Variants in ZFYVE27 observed in about 807,000 individuals in gnomAD.
ZFYVE27 encodes protrudin.
A neutral mutation model predicts 52.8 loss-of-function variants in ZFYVE27; 36 were observed. The ratio of observed to expected loss-of-function variants is 0.68; its 90% CI spans 0.52 to 0.90. ZFYVE27 has a LOEUF of 0.90. ZFYVE27 is among the 40% of genes least tolerant of loss of function. ZFYVE27 has a pLI of 0.00. For missense variants in ZFYVE27, 450 were observed against 527.2 expected (o/e 0.85, Z 1.43); for synonymous variants, 223 against 215.6 (o/e 1.03, Z -0.30).
intron 4 of ZFYVE27, among the ~76,000 whole-genome samples, chr10:97,747,349 G>C (rs1441258454): frequency 1.3e-5 from 2 of 152,162 alleles, no homozygotes; most frequent in Non-Finnish European, 2.9e-5. Flanking sequence ...TTTGAGGGGA[G>C]ATACTTTGAG....
chr10:97,754,345 C>CTG (rs1291098298), intron 10 of ZFYVE27, among the ~76,000 whole-genome samples: 1 of 146,118 alleles, frequency 6.8e-6, no homozygotes, highest in African/African-American at 2.5e-5. Context: ...CAAGGTCTCA[C>CTG]TGTGTCTCCC....
In ZFYVE27 at chr10:97,760,345, A is replaced by G. The variant is rs139340617; in HGVS notation, c.*1045A>G. 1.3e-5 allele frequency: 2 copies of G among 151,980 alleles called. No homozygotes were observed. Among genetic ancestry groups the G allele is most frequent in the Admixed American group, 6.5e-5 (1 of 15,276 alleles). The allele number at this position is 151,980 out of a possible 1,614,324, so 9.4% of individuals were successfully genotyped here. A position where few individuals can be genotyped will look rare whatever the true frequency, so the allele number is the denominator to read the frequency against. On this transcript the variant is annotated 3_prime_UTR_variant, in exon 13 of 13. Coordinates refer to ENST00000684270, the MANE Select transcript of ZFYVE27 (RefSeq NM_001385875.1). ...CCCTGGGGGTCTCCATTTCTTTCCA[A>G]CAGTTTCATGTTCACTACTGGACTC... is the stretch of plus-strand genomic sequence containing the variant.
chr10:97,755,344 C>T (rs1169186603), intron 10 of ZFYVE27, among the ~76,000 whole-genome samples: 4 of 152,120 alleles, frequency 2.6e-5, no homozygotes, highest in African/African-American at 7.2e-5. Flanking sequence ...TCCATTTCAG[C>T]GACTATAACG....
chr10:97,746,000 C>G (rs1453890109), intron 4 of ZFYVE27, among the ~76,000 whole-genome samples: 1 of 143,892 alleles, frequency 6.9e-6, no homozygotes, highest in Non-Finnish European at 1.5e-5. Context: ...GACTTTCTTA[C>G]TTTGAAATAG....
chr10:97,742,542 T>C (rs1208348439), intron 2 of ZFYVE27, among the ~76,000 whole-genome samples: 1 of 152,222 alleles, frequency 6.6e-6, no homozygotes, highest in Non-Finnish European at 1.5e-5. Flanking sequence ...AAATCTTTAC[T>C]ATTGTTTCTC....
rs964739637 is a variant in ZFYVE27, at chr10:97,738,819, G to A, written c.197+145G>A. ...TTCTGGGAGGTCTGTTCGGCCTCTGGGTTTATCTAGGCCTACCCTGTGTCT... is the reference window on the plus strand; with the variant it reads ...TTCTGGGAGGTCTGTTCGGCCTCTGAGTTTATCTAGGCCTACCCTGTGTCT... On this transcript the variant is annotated intron_variant, in intron 2 of 12. Coordinates refer to ENST00000684270, the MANE Select transcript of ZFYVE27 (RefSeq NM_001385875.1). 1.4e-4 allele frequency: 122 copies of A among 850,290 alleles called. 1 individual carries two copies. The highest frequency in any genetic ancestry group is 6.8e-5 in the Non-Finnish European group (35 of 517,824). The allele number at this position is 850,290 out of a possible 1,614,324, so 52.7% of individuals were successfully genotyped here.
rs761826078 is a variant in ZFYVE27, at chr10:97,749,490, C to T, written c.568C>T (p.Leu190=). ...VVSSQFYGAL[L]GTVCMLYLLP... is the part of the protein sequence containing the mutation. ...GTCATCCAGGTTCTATGGGGCTCTTCTGGGCACAGTCTGCATGCTGTATTT... is the reference window on the plus strand; with the variant it reads ...GTCATCCAGGTTCTATGGGGCTCTTTTGGGCACAGTCTGCATGCTGTATTT... The change falls in exon 6 of 13, where the codon CTG becomes TTG. Residue 190 remains leucine, a synonymous_variant. Coordinates refer to ENST00000684270, the MANE Select transcript of ZFYVE27 (RefSeq NM_001385875.1). The T allele has an allele frequency of 6.2e-7, 1 of 1,614,164 alleles. No individual in the cohort carries two copies. The highest frequency in any genetic ancestry group is 8.5e-7 in the Non-Finnish European group (1 of 1,180,000).
chr10:97,757,244 G>C, intron 10 of ZFYVE27, 21 bp from the exon 11 acceptor site: 1 of 1,614,186 alleles, frequency 6.2e-7, no homozygotes, highest in Non-Finnish European at 8.5e-7. Flanking sequence ...CGGGGGTTGA[G>C]CTGCTGCCTC....
chr10:97,752,281 C>T (rs1180595538), intron 8 of ZFYVE27, among the ~76,000 whole-genome samples: 1 of 152,196 alleles, frequency 6.6e-6, no homozygotes, highest in Non-Finnish European at 1.5e-5. Flanking sequence ...ATAAGAAAAA[C>T]ACCTCGTGGA....
chr10:97,751,222 C>T (rs1308755538), intron 7 of ZFYVE27, among the ~76,000 whole-genome samples, 169 bp from the exon 8 acceptor site: 1 of 152,216 alleles, frequency 6.6e-6, no homozygotes, highest in Non-Finnish European at 1.5e-5. Context: ...CCATCTCCCC[C>T]GCCCTGCCAG....
At chr10:97,744,596 T>A (rs768824516) in intron 3 of ZFYVE27, 133 bp from the exon 4 acceptor site, 284 of 1,013,314 alleles carry the variant, frequency 2.8e-4, no homozygotes, top group Non-Finnish European at 4.1e-4. Context: ...AGACACTGTG[T>A]CGTACAGAGC....
chr10:97,750,404 T>A lies in ZFYVE27; in HGVS notation c.738T>A (p.Pro246=), dbSNP rs1451100373. ...AGGAAGAGCATGCCTTTGAGAGTCC[T>A]CCACCACCAGATGTTGGGGGGAAGG... ...PKQEEHAFES[P]PPPDVGGKDG... is the part of the protein sequence containing the mutation. The change falls in exon 7 of 13, where the codon CCT becomes CCA. Residue 246 remains proline, a synonymous_variant. Transcript: ENST00000684270. 6.2e-7 allele frequency: 1 copy of A among 1,614,130 alleles called. No individual in the cohort carries two copies. The highest frequency in any genetic ancestry group is 8.5e-7 in the Non-Finnish European group (1 of 1,180,028).
At chr10:97,744,580 G>A in intron 3 of ZFYVE27, 149 bp from the exon 4 acceptor site, 1 of 860,226 alleles carries the variant, frequency 1.2e-6, no homozygotes. Context: ...CTGGAGAGTA[G>A]GGGTGAGACA....
rs552763273 is a variant in ZFYVE27 at position 97,738,057 on chromosome 10, C to G, written c.-1-420C>G. On this transcript the variant is annotated intron_variant, in intron 1 of 12. Transcript: ENST00000684270. ...GAAGCGATGTGATGTGATAAGTGCT[C>G]TGTTAGGGTGAGTACGTGATCCTTT... 5.3e-5 allele frequency among the ~76,000 whole-genome samples: 8 copies of G among 152,308 alleles called. No homozygotes were observed. In the South Asian group the frequency reaches 1.7e-3, roughly 32 times the overall value.
intron 2 of ZFYVE27, among the ~76,000 whole-genome samples, chr10:97,740,564 G>A (rs911331385): frequency 5.9e-5 from 9 of 152,180 alleles, no homozygotes; most frequent in Admixed American, 1.3e-4. Context: ...TCCGTAGTGC[G>A]TCTTAGCACA....
intron 1 of ZFYVE27, 70 bp from the exon 2 acceptor site, chr10:97,738,407 G>T: frequency 6.4e-7 from 1 of 1,560,452 alleles, no homozygotes; most frequent in Non-Finnish European, 8.8e-7. Flanking sequence ...GGCACCACCT[G>T]AATCTGTAGG....
chr10:97,748,459 TA>T, intron 5 of ZFYVE27, 95 bp downstream of exon 5: 3 of 1,270,390 alleles, frequency 2.4e-6, no homozygotes, highest in African/African-American at 1.5e-5. Context: ...CTGCCCCTCT[TA>T]CCTCAGGGGA....
In ZFYVE27 at chr10:97,743,115, C is replaced by T. The variant is rs969294428; in HGVS notation, c.219C>T (p.Ser73=). The change falls in exon 3 of 13, where the codon TCC becomes TCT. Residue 73 remains serine, a synonymous_variant. Coordinates refer to ENST00000684270, the MANE Select transcript of ZFYVE27 (RefSeq NM_001385875.1). The part of the protein sequence containing the change: ...YLLRWQMPLC[S]LLTCLGLNVL... ...GTAGGTGGCAGATGCCTTTGTGTTC[C>T]TTGCTGACCTGCCTGGGCCTCAACG... 6.2e-7 allele frequency: 1 copy of T among 1,614,122 alleles called. No individual in the cohort carries two copies. The highest frequency in any genetic ancestry group is 8.5e-7 in the Non-Finnish European group (1 of 1,180,056).
intron 10 of ZFYVE27, among the ~76,000 whole-genome samples, chr10:97,756,949 A>G (rs552677122): frequency 6.6e-6 from 1 of 152,176 alleles, no homozygotes; most frequent in Non-Finnish European, 1.5e-5. Flanking sequence ...CTGCCAGCTT[A>G]GCTGGCTTTC....
Sources: gnomAD v4.1 joint callset for allele counts (sites outside exome capture counted in the v4.1 genomes callset) on GRCh38, gnomAD v4.1.1 for gene constraint, MANE v1.5 for transcripts, NCBI Gene and HGNC (gene_info 2026-07-23, HGNC 2026-07-21) for gene names.